PFKP: variants seen among roughly 807,000 people sequenced by gnomAD.
PFKP encodes ATP-dependent 6-phosphofructokinase, platelet type.
A neutral mutation model predicts 94.3 loss-of-function variants in PFKP; 101 were observed. The observed-to-expected ratio is 1.07, with a 90% confidence interval of 0.91 to 1.26. PFKP has a LOEUF of 1.26. Ranked by LOEUF, PFKP falls within the 50% of genes most tolerant of loss-of-function variation. The pLI is 0.00. For synonymous variants in PFKP, 573 were observed against 432.6 expected, an observed-to-expected ratio of 1.32 and a Z score of -4.03; for missense variants, 1,145 against 1,103.3, an observed-to-expected ratio of 1.04 and a Z score of -0.53.
rs575034372 is a variant in PFKP, at chr10:3,107,934, C to T, written c.870+625C>T. 2.6e-3 allele frequency: 3,329 copies of T among 1,289,658 alleles called. 16 individuals carry two copies. Among genetic ancestry groups the T allele is most frequent in the South Asian group, 6.8e-3 (553 of 81,032 alleles). 79.9% of individuals were successfully genotyped at this position (1,289,658 alleles called of 1,614,324 possible). ...CGGGGCTGGGGATGGGCTGTGGCTC[C>T]AGCAGCCACGGGGCAGAAGACGTCC... On this transcript the variant is annotated intron_variant, in intron 8 of 21. Coordinates refer to ENST00000381125, the MANE Select transcript of PFKP (RefSeq NM_002627.5).
chr10:3,122,417 C>T (rs918163535), intron 16 of PFKP, among the ~76,000 whole-genome samples: 1 of 152,154 alleles, frequency 6.6e-6, no homozygotes, highest in East Asian at 1.9e-4. Flanking sequence ...GGAGAGGGAC[C>T]GATATGTGAA....
intron 16 of PFKP, among the ~76,000 whole-genome samples, chr10:3,126,147 C>T (rs1184456776): frequency 6.6e-6 from 1 of 152,238 alleles, no homozygotes; most frequent in Non-Finnish European, 1.5e-5. Flanking sequence ...CCTCGGAAGA[C>T]AGCAGTTCTA....
At chr10:3,080,535 AAAAAAG>A (rs1423298104) in intron 1 of PFKP, among the ~76,000 whole-genome samples, 4 of 149,904 alleles carry the variant, frequency 2.7e-5, no homozygotes, top group Non-Finnish European at 4.4e-5. Flanking sequence ...AAAAAAAAAA[AAAAAAG>A]AGAATATTGA....
rs1181462586 is a variant in PFKP, at chr10:3,107,290, C to T, written c.851C>T (p.Thr284Ile). ...GAIDTQNKPI[T>I]SEKIKELVVT... ...ATTGATACCCAAAATAAACCCATCA[C>T]CTCTGAGAAAATCAAAGAGGTGAGT... The change falls in exon 8 of 22, where the codon ACC becomes ATC. Residue 284 changes from threonine to isoleucine, a missense_variant. Around this residue, in one of 3 missense-constraint regions of PFKP, gnomAD observed 1,119 missense variants for 1,062.8 expected, o/e 1.05. Coordinates refer to ENST00000381125, the MANE Select transcript of PFKP (RefSeq NM_002627.5). The T allele has an allele frequency of 2.5e-6, 4 of 1,606,706 alleles. No homozygotes were observed. The highest frequency in any genetic ancestry group is 3.3e-5 in the Admixed American group (2 of 59,994).
chr10:3,082,023 G>T, intron 1 of PFKP, among the ~76,000 whole-genome samples: 1 of 108,736 alleles, frequency 9.2e-6, no homozygotes, highest in South Asian at 3.2e-4. Context: ...GTGGTAGTTG[G>T]TGATGTGATA....
At position 3,069,337 on chromosome 10, in the gene PFKP, T is replaced by A. The variant is rs904632390; in HGVS notation, c.112+1630T>A. On this transcript the variant is annotated intron_variant, in intron 1 of 21. Transcript: ENST00000381125. ...GGATGGGATTGAAGAAACAGGAGAG[T>A]GAAGTGGAAATAGCCTGGCCCGCGT... 4 of 1,575,692 alleles carry A rather than the reference T, an allele frequency of 2.5e-6. No homozygotes were observed. In the African/African-American group the frequency reaches 5.4e-5, roughly 21 times the overall value.
intron 14 of PFKP, among the ~76,000 whole-genome samples, chr10:3,117,093 C>T (rs1836913735): frequency 6.6e-6 from 1 of 152,188 alleles, no homozygotes; most frequent in Non-Finnish European, 1.5e-5. Context: ...ATTCATATTT[C>T]CATTCATTTG....
chr10:3,105,341 C>T lies in PFKP; in HGVS notation c.666-52C>T. 4.0e-6 allele frequency: 6 copies of T among 1,503,228 alleles called. No individual in the cohort carries two copies. In the South Asian group the frequency reaches 5.6e-5, roughly 14 times the overall value. The allele number at this position is 1,503,228 out of a possible 1,614,324, so 93.1% of individuals were successfully genotyped here. ...CGCTGAGCGGGGTGCCTGGGCTGCC[C>T]TCGTGGGAAGGATCCTTCTGGGGTG... is the stretch of plus-strand genomic sequence containing the variant. On this transcript the variant is annotated intron_variant, in intron 6 of 21. Coordinates refer to ENST00000381125, the MANE Select transcript of PFKP (RefSeq NM_002627.5).
chr10:3,073,173 G>A (rs1490378935), intron 1 of PFKP, among the ~76,000 whole-genome samples: 1 of 151,842 alleles, frequency 6.6e-6, no homozygotes, highest in African/African-American at 2.4e-5. Context: ...TCCTAGCCCT[G>A]GTCCTGCTGT....
chr10:3,109,710 T>C (rs763900123), intron 10 of PFKP, among the ~76,000 whole-genome samples: 5 of 152,282 alleles, frequency 3.3e-5, no homozygotes, highest in South Asian at 4.1e-4. Context: ...CATCCATCTG[T>C]GTGGCACATA....
In PFKP at chr10:3,136,614, G is replaced by T. The variant is rs758708109; in HGVS notation, c.*35G>T. 2 of 1,606,066 alleles carry T rather than the reference G, an allele frequency of 1.2e-6. No homozygotes were observed. The highest frequency in any genetic ancestry group is 1.1e-5 in the South Asian group (1 of 90,340). On this transcript the variant is annotated 3_prime_UTR_variant, in exon 22 of 22. Coordinates refer to ENST00000381125, the MANE Select transcript of PFKP (RefSeq NM_002627.5). ...GCCTGCATGTGCCTGCAGCCACCGT[G>T]GACTGTCTGTTTTTGTAACACTTAA...
intron 1 of PFKP, among the ~76,000 whole-genome samples, chr10:3,072,422 C>T (rs946769950): frequency 6.6e-6 from 1 of 152,130 alleles, no homozygotes; most frequent in African/African-American, 2.4e-5. Flanking sequence ...CATTTTGCCT[C>T]CCACGGCTCT....
Position 3,067,559 on chromosome 10 carries a change from C to A in PFKP, c.-37C>A. On this transcript the variant is annotated 5_prime_UTR_variant, in exon 1 of 22. Coordinates refer to ENST00000381125, the MANE Select transcript of PFKP (RefSeq NM_002627.5). ...CGGGCAGGGTCCCCATTGCCTGCTG[C>A]GCACCCGGACGTGCGGCTCCCCTCG... The A allele has an allele frequency of 2.6e-6, 3 of 1,163,258 alleles. No individual in the cohort carries two copies. Among genetic ancestry groups the A allele is most frequent in the East Asian group, 3.0e-5 (1 of 33,466 alleles). 72.1% of individuals were successfully genotyped at this position (1,163,258 alleles called of 1,614,324 possible). A position where few individuals can be genotyped will look rare whatever the true frequency, so the allele number is the denominator to read the frequency against.
intron 16 of PFKP, among the ~76,000 whole-genome samples, chr10:3,128,216 A>G (rs1406464848): frequency 2.0e-5 from 3 of 152,214 alleles, no homozygotes; most frequent in Non-Finnish European, 1.5e-5. Context: ...GTGTAAGCCC[A>G]GCCCACAGTT....
At chr10:3,125,107 G>C (rs760430396) in intron 16 of PFKP, 2 of 1,310,628 alleles carry the variant, frequency 1.5e-6, no homozygotes, top group Admixed American at 2.3e-5. Context: ...GCTTACAAGA[G>C]TGCGTGCGAC....
intron 8 of PFKP, 107 bp from the exon 9 acceptor site, chr10:3,108,594 C>T (rs1835859224): frequency 2.5e-6 from 2 of 786,754 alleles, no homozygotes; most frequent in Non-Finnish European, 4.4e-6. Context: ...CCATTTAGAT[C>T]TGAAGAAAGA....
At chr10:3,106,520 CTGCGGTGGTGATGTGAG>C (rs1835574258) in intron 7 of PFKP, among the ~76,000 whole-genome samples, 2 of 151,440 alleles carry the variant, frequency 1.3e-5, no homozygotes, top group East Asian at 4.0e-4. Context: ...ACATTTCTAT[CTGCGGTGGTGATGTGAG>C]CTCCCAGTCC....
At chr10:3,107,105 T>C (rs1390454684) in intron 7 of PFKP, 109 bp from the exon 8 acceptor site, 14 of 676,662 alleles carry the variant, frequency 2.1e-5, no homozygotes, top group Non-Finnish European at 3.7e-5. Flanking sequence ...CAAAGATTCC[T>C]GCCCAGAAAG....
At chr10:3,120,372 TGTGTGTGTGTGTG>T (rs1837288154) in intron 16 of PFKP, among the ~76,000 whole-genome samples, 8 of 125,840 alleles carry the variant, frequency 6.4e-5, no homozygotes, top group African/African-American at 1.9e-4. Context: ...AAAATCGCTG[TGTGTGTGTGTGTG>T]TGTGTGTGTG....
Sources: gnomAD v4.1 joint callset for allele counts (sites outside exome capture counted in the v4.1 genomes callset) on GRCh38, gnomAD v4.1.1 for gene constraint, gnomAD v4.1.1 regional missense constraint, MANE v1.5 for transcripts, NCBI Gene and HGNC (gene_info 2026-07-23, HGNC 2026-07-21) for gene names.